Variants in HCRTR1 observed in about 807,000 individuals in gnomAD.
HCRTR1 encodes the protein hypocretin receptor 1, also known as orexin/Hypocretin receptor type 1.
HCRTR1 carries 28 observed loss-of-function variants against 40.6 expected under a neutral mutation model. That is an observed-to-expected ratio of 0.69 (90% CI 0.51 to 0.95). The LOEUF (loss-of-function observed/expected upper bound fraction) is 0.95. HCRTR1 is among the 40% of genes least tolerant of loss of function. The probability of loss-of-function intolerance (pLI) is 0.00; values close to 1 mark genes in which losing one functional copy is unlikely to be tolerated. For missense variants in HCRTR1, 482 were observed against 564.7 expected (o/e 0.85, Z 1.48); for synonymous variants, 209 against 230.0 (o/e 0.91, Z 0.83).
chr1:31,627,523 T>G lies in HCRTR1; in HGVS notation c.*543T>G. On this transcript the variant is annotated 3_prime_UTR_variant, in exon 9 of 9. Transcript: ENST00000403528. ...GCACACACCACAGACCCGACCTTGT[T>G]GGCTTTGTGGTGTGATAAAACACTC... The G allele has an allele frequency of 4.8e-6, 2 of 413,088 alleles. No individual in the cohort carries two copies. Among genetic ancestry groups the G allele is most frequent in the Admixed American group, 3.4e-5 (1 of 29,784 alleles). 25.6% of individuals were successfully genotyped at this position (413,088 alleles called of 1,614,324 possible). A position where few individuals can be genotyped will look rare whatever the true frequency, so the allele number is the denominator to read the frequency against.
At chr1:31,623,849 A>C (rs749490993) in intron 7 of HCRTR1, 100 bp downstream of exon 7, 40 of 840,844 alleles carry the variant, frequency 4.8e-5, no homozygotes, top group Non-Finnish European at 7.5e-5. Context: ...CTTCTCCACT[A>C]TGTGATCTTG....
At chr1:31,630,432 G>A (rs1640062271), downstream of HCRTR1, 6 of 659,018 alleles carry the variant, frequency 9.1e-6, no homozygotes, top group South Asian at 9.4e-5. Flanking sequence ...CTCAGCCCCG[G>A]TCCTCACTAT....
intron 1 of HCRTR1, among the ~76,000 whole-genome samples, chr1:31,618,534 A>G (rs1016419489): frequency 4.6e-5 from 7 of 152,100 alleles, no homozygotes; most frequent in South Asian, 2.1e-4. Context: ...CGTTTTCCCA[A>G]CCCAAAGTTA....
downstream of HCRTR1, chr1:31,629,901 T>C (rs1243639311): frequency 1.3e-5 from 2 of 152,352 alleles, no homozygotes; most frequent in South Asian, 2.1e-4. Context: ...GCTTACAATT[T>C]CACTGGACTT....
chr1:31,621,248 AG>A (rs1639849900), intron 5 of HCRTR1, among the ~76,000 whole-genome samples, 162 bp downstream of exon 5: 1 of 152,156 alleles, frequency 6.6e-6, no homozygotes, highest in Admixed American at 6.5e-5. Flanking sequence ...GGATACTCCC[AG>A]GGTGGGTGCC....
Position 31,619,271 on chromosome 1 carries a change from T to A in HCRTR1, c.79T>A (p.Tyr27Asn). The A allele has an allele frequency of 2.5e-6, 4 of 1,614,092 alleles. No individual in the cohort carries two copies. The highest frequency in any genetic ancestry group is 3.4e-6 in the Non-Finnish European group (4 of 1,180,022). ...SREPSPVPPD[Y>N]EDEFLRYLWR... Reference sequence around the variant, plus strand: ...AGAGCCGTCCCCTGTGCCTCCAGACTATGAAGATGAGTTTCTCCGCTATCT... The same window carrying A: ...AGAGCCGTCCCCTGTGCCTCCAGACAATGAAGATGAGTTTCTCCGCTATCT... The change falls in exon 3 of 9, where the codon TAT becomes AAT. Residue 27 changes from tyrosine (Y) to asparagine (N), a missense_variant. Coordinates refer to ENST00000403528, the MANE Select transcript of HCRTR1 (RefSeq NM_001525.3).
downstream of HCRTR1, chr1:31,633,131 C>A: frequency 6.2e-7 from 1 of 1,600,516 alleles, no homozygotes; most frequent in Non-Finnish European, 8.5e-7. Flanking sequence ...TGCCCCAGCT[C>A]AGGCCCAAGG....
downstream of HCRTR1, among the ~76,000 whole-genome samples, chr1:31,628,896 G>C (rs1640028594): frequency 6.6e-6 from 1 of 152,196 alleles, no homozygotes; most frequent in African/African-American, 2.4e-5. Context: ...TATATAGAGG[G>C]TTGGCATGCA....
downstream of HCRTR1, among the ~76,000 whole-genome samples, chr1:31,633,916 T>C (rs1026787027): frequency 1.3e-5 from 2 of 151,214 alleles, no homozygotes; most frequent in Non-Finnish European, 2.9e-5. Context: ...GATCACGCCA[T>C]TGCACTCCAG....
Position 31,627,250 on chromosome 1 carries a change from A to G in HCRTR1, c.*270A>G. On this transcript the variant is annotated 3_prime_UTR_variant, in exon 9 of 9. Coordinates refer to ENST00000403528, the MANE Select transcript of HCRTR1 (RefSeq NM_001525.3). ...CTTCTCTCATTTGGCCATACCCCACAGTATAATCTGTCCCCATCCTCCTTC... is the reference window on the plus strand; with the variant it reads ...CTTCTCTCATTTGGCCATACCCCACGGTATAATCTGTCCCCATCCTCCTTC... 1 of 1,459,818 alleles carries G rather than the reference A, an allele frequency of 6.9e-7. No individual in the cohort carries two copies. Among genetic ancestry groups the G allele is most frequent in the South Asian group, 1.2e-5 (1 of 82,322 alleles). 90.4% of individuals were successfully genotyped at this position (1,459,818 alleles called of 1,614,324 possible). A position where few individuals can be genotyped will look rare whatever the true frequency, so the allele number is the denominator to read the frequency against.
chr1:31,619,766 C>G (rs544214188), intron 4 of HCRTR1, 56 bp downstream of exon 4: 1 of 1,507,246 alleles, frequency 6.6e-7, no homozygotes, highest in South Asian at 1.3e-5. Flanking sequence ...AAAAAACCCA[C>G]GGCCTTGCAT....
chr1:31,629,158 G>C (rs1570261744), downstream of HCRTR1, among the ~76,000 whole-genome samples: 1 of 152,170 alleles, frequency 6.6e-6, no homozygotes. Context: ...TCTAATGCGG[G>C]GATTCTAGCA....
At chr1:31,630,874 C>A (rs764580438), downstream of HCRTR1, 1 of 1,533,808 alleles carries the variant, frequency 6.5e-7, no homozygotes. Flanking sequence ...ACCAGACACA[C>A]AAAAACCTGC....
chr1:31,632,476 C>A (rs774938086), downstream of HCRTR1: 7 of 1,614,126 alleles, frequency 4.3e-6, no homozygotes. Flanking sequence ...GCCCATCGTG[C>A]CCCGGCCATG....
intron 7 of HCRTR1, 40 bp downstream of exon 7, chr1:31,623,789 A>C: frequency 1.3e-6 from 2 of 1,481,892 alleles, no homozygotes; most frequent in South Asian, 2.4e-5. Context: ...GAGAAGTTTG[A>C]GGTTGGGGAA....
intron 2 of HCRTR1, 63 bp downstream of exon 2, chr1:31,618,879 G>T: frequency 2.6e-6 from 1 of 387,162 alleles, no homozygotes. Flanking sequence ...GGCCAGGTAA[G>T]CTACCCAAGG....
At position 31,626,213 on chromosome 1, in the gene HCRTR1, T is replaced by G. The variant is rs1214285116; in HGVS notation, c.1088-577T>G. ...TGGTCCCTCCTTCCCTCCTCCCCCT[T>G]GAGAAGGGCTTTGGAATTAGAATTG... On this transcript the variant is annotated intron_variant, in intron 8 of 8. Transcript: ENST00000403528. This position sits in a 1 kb window ranked among gnomAD's most constrained non-coding sequence, Gnocchi z 4.6. 6.6e-6 allele frequency among the ~76,000 whole-genome samples: 1 copy of G among 152,120 alleles called. No individual in the cohort carries two copies. Among genetic ancestry groups the G allele is most frequent in the African/African-American group, 2.4e-5 (1 of 41,426 alleles).
downstream of HCRTR1, chr1:31,630,622 C>T: frequency 1.9e-6 from 3 of 1,612,318 alleles, no homozygotes; most frequent in Non-Finnish European, 2.5e-6. Context: ...GTCATAGCAT[C>T]CGAGAAGCTG....
chr1:31,633,102 G>A, downstream of HCRTR1: 1 of 1,556,980 alleles, frequency 6.4e-7, no homozygotes, highest in Non-Finnish European at 8.7e-7. Context: ...CCCACCTACT[G>A]TCCACTATCA....
Sources: gnomAD v4.1 joint callset for allele counts (sites outside exome capture counted in the v4.1 genomes callset) on GRCh38, gnomAD v4.1.1 for gene constraint, Gnocchi (gnomAD v3.1) non-coding constraint, MANE v1.5 for transcripts, NCBI Gene and HGNC (gene_info 2026-07-23, HGNC 2026-07-21) for gene names.